Variants in FHIT observed in about 807,000 individuals in gnomAD.
FHIT encodes the protein fragile histidine triad diadenosine triphosphatase.
Under a neutral mutation model 17.9 loss-of-function variants are expected in FHIT, and 19 were observed. The observed-to-expected ratio is 1.06, with a 90% confidence interval of 0.74 to 1.56. The LOEUF is 1.56. FHIT is among the 40% of genes most tolerant of loss of function. FHIT has a pLI of 0.00. For synonymous variants in FHIT, 81 were observed against 69.7 expected, an observed-to-expected ratio of 1.16 and a Z score of -0.81; for missense variants, 248 against 189.2, an observed-to-expected ratio of 1.31 and a Z score of -1.82.
chr3:60,033,049 A>G (rs1318404242), intron 5 of FHIT, among the ~76,000 whole-genome samples: 1 of 152,206 alleles, frequency 6.6e-6, no homozygotes, highest in Non-Finnish European at 1.5e-5. Flanking sequence ...TGGCATAACA[A>G]TATTGGATTA....
At position 60,474,451 on chromosome 3, in the gene FHIT, G is replaced by C. The variant is rs1416334643; in HGVS notation, c.103+62409C>G. 4.6e-5 allele frequency among the ~76,000 whole-genome samples: 7 copies of C among 152,098 alleles called. 1 individual carries two copies. Among genetic ancestry groups the C allele is most frequent in the Admixed American group, 4.6e-4 (7 of 15,276 alleles). ...CATGTTTACAGTTCAATTTTATAGAGCTAAATTGATGAGTAGTTTTGGAGT... is the reference window on the plus strand; with the variant it reads ...CATGTTTACAGTTCAATTTTATAGACCTAAATTGATGAGTAGTTTTGGAGT... On this transcript the variant is annotated intron_variant, in intron 5 of 9. Coordinates refer to ENST00000492590, the MANE Select transcript of FHIT (RefSeq NM_002012.4).
At chr3:61,072,928 G>C (rs1218417013) in intron 2 of FHIT, among the ~76,000 whole-genome samples, 1 of 152,082 alleles carries the variant, frequency 6.6e-6, no homozygotes, top group East Asian at 1.9e-4. Flanking sequence ...AGAAAGAAAG[G>C]GGTAAATGCA....
intron 1 of FHIT, among the ~76,000 whole-genome samples, chr3:61,221,755 A>G (rs72879891): frequency 0.019 from 2,853 of 152,302 alleles, 81 homozygotes; most frequent in African/African-American, 0.064. Context: ...ATTCTAAAGG[A>G]AGAAAACAGA....
intron 3 of FHIT, among the ~76,000 whole-genome samples, chr3:61,023,711 T>C (rs964186868): frequency 4.6e-5 from 7 of 152,344 alleles, no homozygotes; most frequent in Non-Finnish European, 8.8e-5. Flanking sequence ...TACAACCATC[T>C]GATCTTTGAC....
chr3:60,874,865 G>T (rs1010908061), intron 3 of FHIT, among the ~76,000 whole-genome samples: 5 of 152,144 alleles, frequency 3.3e-5, no homozygotes, highest in African/African-American at 1.2e-4. Flanking sequence ...AAATAGGAAG[G>T]TCTGTGTTTG....
At chr3:60,107,500 A>G (rs1334768399) in intron 5 of FHIT, among the ~76,000 whole-genome samples, 1 of 152,210 alleles carries the variant, frequency 6.6e-6, no homozygotes, top group African/African-American at 2.4e-5. Flanking sequence ...CAGAGGGAAC[A>G]TGATGGGTGG....
At chr3:60,313,487 C>T (rs1709036193) in intron 5 of FHIT, among the ~76,000 whole-genome samples, 1 of 152,142 alleles carries the variant, frequency 6.6e-6, no homozygotes, top group Admixed American at 6.5e-5. Flanking sequence ...GATTCCATCA[C>T]CTATAACTTA....
At chr3:60,707,762 G>C (rs1553703908) in intron 4 of FHIT, among the ~76,000 whole-genome samples, 1 of 152,170 alleles carries the variant, frequency 6.6e-6, no homozygotes, top group African/African-American at 2.4e-5. Flanking sequence ...CAGTTGGCAA[G>C]AATGCAGAGA....
At chr3:60,163,398 C>A (rs1426786103) in intron 5 of FHIT, among the ~76,000 whole-genome samples, 3 of 152,110 alleles carry the variant, frequency 2.0e-5, no homozygotes, top group Non-Finnish European at 4.4e-5. Flanking sequence ...CCCCCTGGGA[C>A]ATATAAGGCC....
At chr3:60,756,438 C>G (rs1234424973) in intron 4 of FHIT, among the ~76,000 whole-genome samples, 1 of 152,164 alleles carries the variant, frequency 6.6e-6, no homozygotes, top group Non-Finnish European at 1.5e-5. Context: ...GTCTGCAATT[C>G]GTCATGGGCA....
chr3:60,083,153 T>C lies in FHIT; in HGVS notation c.104-69001A>G, dbSNP rs1003460468. ...GGTAATTTTTGTATATGGTGAAAGG[T>C]AGGGGTCCAGTTTCTTTCTTGTGCA... On this transcript the variant is annotated intron_variant, in intron 5 of 9. Transcript: ENST00000492590. 2.5e-4 allele frequency among the ~76,000 whole-genome samples: 38 copies of C among 152,128 alleles called. 1 individual carries two copies. The highest frequency in any genetic ancestry group is 6.6e-5 in the Admixed American group (1 of 15,260).
chr3:60,145,787 C>T (rs1409209711), intron 5 of FHIT, among the ~76,000 whole-genome samples: 6 of 152,158 alleles, frequency 3.9e-5, no homozygotes, highest in Admixed American at 2.6e-4. Flanking sequence ...CTCAAAACTT[C>T]AGGTTACCTA....
chr3:60,388,004 C>T (rs1701078296), intron 5 of FHIT, among the ~76,000 whole-genome samples: 1 of 152,140 alleles, frequency 6.6e-6, no homozygotes, highest in African/African-American at 2.4e-5. Context: ...ATGTGATCTG[C>T]ACATACCAGT....
At chr3:60,723,576 G>C (rs2041855521) in intron 4 of FHIT, among the ~76,000 whole-genome samples, 1 of 152,190 alleles carries the variant, frequency 6.6e-6, no homozygotes, top group African/African-American at 2.4e-5. Flanking sequence ...GTCGCAGCTT[G>C]TTGCTTAAGG....
chr3:59,811,081 T>G (rs1029683127), intron 8 of FHIT, among the ~76,000 whole-genome samples: 1 of 152,198 alleles, frequency 6.6e-6, no homozygotes, highest in Non-Finnish European at 1.5e-5. Context: ...AACTGACCAG[T>G]CTCAACCTCT....
chr3:60,554,811 A>T (rs1198978248), intron 4 of FHIT, among the ~76,000 whole-genome samples: 2 of 152,242 alleles, frequency 1.3e-5, no homozygotes, highest in Non-Finnish European at 1.5e-5. Context: ...ATATGAGAGA[A>T]ATTATTCCAC....
chr3:59,850,874 A>T (rs672802), intron 8 of FHIT, among the ~76,000 whole-genome samples: 149,757 of 152,332 alleles, frequency 0.98, 73,666 homozygotes, highest in South Asian at 1. Flanking sequence ...GATCCTGGCA[A>T]CCTAAAAGCC....
intron 5 of FHIT, among the ~76,000 whole-genome samples, chr3:60,426,383 T>C (rs1406677463): frequency 6.6e-6 from 1 of 152,156 alleles, no homozygotes; most frequent in East Asian, 1.9e-4. Flanking sequence ...GATGATATCA[T>C]GTTCATTTTC....
intron 5 of FHIT, among the ~76,000 whole-genome samples, chr3:60,402,359 T>A (rs1037378865): frequency 5.9e-5 from 9 of 152,316 alleles, no homozygotes; most frequent in African/African-American, 1.9e-4. Flanking sequence ...AACAGTCTGG[T>A]TGGATTCCAC....
Sources: allele counts gnomAD v4.1 joint callset (sites outside exome capture counted in the v4.1 genomes callset), GRCh38; gene constraint gnomAD v4.1.1; transcripts MANE v1.5; gene names NCBI Gene and HGNC (gene_info 2026-07-23, HGNC 2026-07-21).